CCDC170: variants seen among roughly 807,000 people sequenced by gnomAD.
CCDC170 encodes coiled-coil domain containing 170.
Under a neutral mutation model 72.6 loss-of-function variants are expected in CCDC170, and 69 were observed. That is an observed-to-expected ratio of 0.95 (90% confidence interval 0.78 to 1.16). The LOEUF is 1.16. Among genes scored for constraint, CCDC170 ranks in the 50% most tolerant of loss-of-function variants. The pLI is 0.00. For missense variants in CCDC170, 852 were observed against 832.5 expected (o/e 1.02, Z -0.29); for synonymous variants, 300 against 303.9 (o/e 0.99, Z 0.13).
At chr6:151,524,135 G>A (rs972511637) in intron 1 of CCDC170, among the ~76,000 whole-genome samples, 1 of 152,164 alleles carries the variant, frequency 6.6e-6, no homozygotes, top group African/African-American at 2.4e-5. Context: ...TGCACATGTG[G>A]GCGCTTAGCT....
chr6:151,592,549 G>T (rs1776558379), intron 7 of CCDC170, among the ~76,000 whole-genome samples: 1 of 152,074 alleles, frequency 6.6e-6, no homozygotes, highest in South Asian at 2.1e-4. Context: ...AGCAAAAGGG[G>T]TTTTCCCCTT....
At chr6:151,605,605 G>C (rs1776771363) in intron 9 of CCDC170, among the ~76,000 whole-genome samples, 1 of 152,220 alleles carries the variant, frequency 6.6e-6, no homozygotes, top group African/African-American at 2.4e-5. Flanking sequence ...TGTTGGGGAA[G>C]TTGGTTGTTC....
chr6:151,606,044 G>C (rs886874209), intron 9 of CCDC170, among the ~76,000 whole-genome samples: 3 of 151,954 alleles, frequency 2.0e-5, no homozygotes, highest in Admixed American at 2.0e-4. Context: ...TGGGATTACA[G>C]GTACGTGCCA....
intron 1 of CCDC170, among the ~76,000 whole-genome samples, chr6:151,496,357 A>G (rs1781912651): frequency 6.6e-6 from 1 of 152,190 alleles, no homozygotes; most frequent in Non-Finnish European, 1.5e-5. Flanking sequence ...AATTTTTAGC[A>G]TAAGTCACTG....
chr6:151,580,872 C>T (rs1020691518), intron 6 of CCDC170, among the ~76,000 whole-genome samples: 1 of 152,146 alleles, frequency 6.6e-6, no homozygotes, highest in Non-Finnish European at 1.5e-5. Context: ...AAGTGAGTCA[C>T]ACAATTTTTT....
At chr6:151,532,730 G>T (rs1376400334) in intron 1 of CCDC170, among the ~76,000 whole-genome samples, 2 of 152,142 alleles carry the variant, frequency 1.3e-5, no homozygotes, top group Non-Finnish European at 2.9e-5. Flanking sequence ...AAATTAACAT[G>T]ACCCCAGTAA....
chr6:151,511,902 C>T (rs80347787), intron 1 of CCDC170, among the ~76,000 whole-genome samples: 11,052 of 152,142 alleles, frequency 0.073, 511 homozygotes, highest in East Asian at 0.17. Flanking sequence ...GACTGGACTG[C>T]GGTGGCACGA....
At chr6:151,600,026 A>T (rs533855041) in intron 9 of CCDC170, among the ~76,000 whole-genome samples, 49 of 152,282 alleles carry the variant, frequency 3.2e-4, no homozygotes, top group African/African-American at 1.2e-3. Flanking sequence ...CTGACTCAAG[A>T]ATTACTCGGG....
intron 9 of CCDC170, among the ~76,000 whole-genome samples, chr6:151,614,486 G>A (rs542360872): frequency 2.0e-4 from 30 of 151,718 alleles, no homozygotes; most frequent in Admixed American, 3.3e-4. Context: ...ACTGAGTCTC[G>A]CTCTGTTGCC....
intron 9 of CCDC170, among the ~76,000 whole-genome samples, 182 bp from the exon 10 acceptor site, chr6:151,615,259 CTG>C (rs1776939423): frequency 6.6e-6 from 1 of 152,176 alleles, no homozygotes; most frequent in Admixed American, 6.5e-5. Context: ...TTAGCTGTAA[CTG>C]TCTTAAGACA....
chr6:151,542,982 T>G (rs1207348210), intron 3 of CCDC170, among the ~76,000 whole-genome samples: 1 of 152,236 alleles, frequency 6.6e-6, no homozygotes, highest in Non-Finnish European at 1.5e-5. Context: ...ATGCTTTGAG[T>G]ATCTGCAATT....
At chr6:151,531,061 A>C (rs1782484274) in intron 1 of CCDC170, among the ~76,000 whole-genome samples, 1 of 152,212 alleles carries the variant, frequency 6.6e-6, no homozygotes, top group African/African-American at 2.4e-5. Context: ...TTTTTCTTGA[A>C]TGTTCTTGCA....
chr6:151,546,567 C>G (rs1372718879), intron 4 of CCDC170, among the ~76,000 whole-genome samples: 1 of 152,116 alleles, frequency 6.6e-6, no homozygotes, highest in Non-Finnish European at 1.5e-5. Flanking sequence ...GAGCCCACTC[C>G]CCAGCCACCT....
intron 9 of CCDC170, among the ~76,000 whole-genome samples, chr6:151,614,079 G>A (rs1180310845): frequency 6.6e-6 from 1 of 152,126 alleles, no homozygotes; most frequent in African/African-American, 2.4e-5. Flanking sequence ...TCTGTGTGAA[G>A]TTGCTTCAAA....
Position 151,593,110 on chromosome 6 carries a change from C to A in CCDC170, c.1297C>A (p.Leu433Ile), listed in dbSNP as rs1776566854. ...TTGTTTCTGTTCTTGGGTTTAGTAT[C>A]TTAAATTTCTGGATCAGCTTTCTCA... ...DNLNFEKQKY[L>I]KFLDQLSQKM... The change falls in exon 8 of 11, where the codon CTT becomes ATT. Residue 433 changes from leucine (L) to isoleucine (I), a missense_variant. Leu to Ile is a conservative substitution (Grantham distance 5). Coordinates refer to ENST00000239374, the MANE Select transcript of CCDC170 (RefSeq NM_025059.4). The A allele has an allele frequency of 6.2e-7, 1 of 1,614,166 alleles. No individual in the cohort carries two copies. The highest frequency in any genetic ancestry group is 8.5e-7 in the Non-Finnish European group (1 of 1,180,016).
intron 1 of CCDC170, among the ~76,000 whole-genome samples, chr6:151,504,492 T>A (rs936936760): frequency 4.9e-4 from 73 of 150,150 alleles, no homozygotes; most frequent in African/African-American, 1.8e-3. Context: ...CAATAAAAAA[T>A]AATTGGTAAT....
At chr6:151,527,546 G>C (rs562864675) in intron 1 of CCDC170, among the ~76,000 whole-genome samples, 1 of 152,282 alleles carries the variant, frequency 6.6e-6, no homozygotes, top group South Asian at 2.1e-4. Flanking sequence ...CAACTTTCAA[G>C]ACTTAATGTA....
chr6:151,607,037 T>A (rs1776796729), intron 9 of CCDC170, among the ~76,000 whole-genome samples: 1 of 152,100 alleles, frequency 6.6e-6, no homozygotes, highest in African/African-American at 2.4e-5. Flanking sequence ...TATAGTTGAG[T>A]TTTTAAAAAA....
intron 6 of CCDC170, among the ~76,000 whole-genome samples, chr6:151,584,963 C>T (rs1776431871): frequency 6.6e-6 from 1 of 152,138 alleles, no homozygotes; most frequent in Non-Finnish European, 1.5e-5. Context: ...ACTATGTTTT[C>T]CCTCTTCTCT....
Sources: allele counts gnomAD v4.1 joint callset (sites outside exome capture counted in the v4.1 genomes callset), GRCh38; gene constraint gnomAD v4.1.1; transcripts MANE v1.5; gene names NCBI Gene and HGNC (gene_info 2026-07-23, HGNC 2026-07-21).